The following NYAP2 variants were observed in gnomAD, a reference collection of about 807,000 sequenced individuals.
The protein encoded by NYAP2 is neuronal tyrosine-phosphorylated phosphoinositide-3-kinase adaptor 2, also known as neuronal tyrosine-phosphorylated phosphoinositide-3-kinase adapter 2.
A neutral mutation model predicts 50.4 loss-of-function variants in NYAP2; 23 were observed. The ratio of observed to expected loss-of-function variants is 0.46; its 90% confidence interval spans 0.33 to 0.65. The LOEUF is 0.65. Ranked by LOEUF, NYAP2 falls within the 30% of genes least tolerant of loss-of-function variation. The probability of loss-of-function intolerance (pLI) is 0.02; values close to 1 mark genes in which losing one functional copy is unlikely to be tolerated. For missense variants in NYAP2, 885 were observed against 861.0 expected (o/e 1.03, Z -0.35); for synonymous variants, 394 against 365.2 (o/e 1.08, Z -0.90).
At chr2:225,693,580 A>G in the NYAP2 span, among the ~76,000 whole-genome samples, 2 of 152,032 alleles carry the variant, frequency 1.3e-5, no homozygotes, top group African/African-American at 4.8e-5. Context: ...GAAGTCCAAG[A>G]CCAGGGTGAC....
intron 5 of NYAP2, among the ~76,000 whole-genome samples, chr2:225,606,399 G>T (rs1300015227): frequency 4.6e-5 from 7 of 152,056 alleles, no homozygotes; most frequent in Non-Finnish European, 8.8e-5. Flanking sequence ...ATAAAATGTG[G>T]TAATAGCCCA....
chr2:225,482,637 A>G (rs1690225672), intron 3 of NYAP2, among the ~76,000 whole-genome samples: 1 of 152,060 alleles, frequency 6.6e-6, no homozygotes, highest in African/African-American at 2.4e-5. Flanking sequence ...GAAAAATCAA[A>G]CCTTCCAAAA....
intron 3 of NYAP2, among the ~76,000 whole-genome samples, chr2:225,506,928 C>CA (rs1404639893): frequency 2.0e-5 from 3 of 151,718 alleles, no homozygotes; most frequent in South Asian, 4.2e-4. Flanking sequence ...AAATTTAACA[C>CA]AAAAAATCCC....
At chr2:225,497,983 T>TA (rs1172283297) in intron 3 of NYAP2, among the ~76,000 whole-genome samples, 1 of 152,174 alleles carries the variant, frequency 6.6e-6, no homozygotes, top group Non-Finnish European at 1.5e-5. Context: ...GTCTCTATTT[T>TA]AAAAAGATTT....
rs575486874 is a variant in NYAP2, at chr2:225,640,786, A to T, written c.1829-10646A>T. Among the ~76,000 whole-genome samples the T allele has an allele frequency of 2.0e-5, 3 of 152,316 alleles. No individual in the cohort carries two copies. In the East Asian group the frequency reaches 5.8e-4, roughly 29 times the overall value. On this transcript the variant is annotated intron_variant, in intron 6 of 6. Transcript: ENST00000636099. ...ACCTGTTACCATATTTTATATATGC[A>T]TTATATTCATACACACACATATTTC...
At chr2:225,536,257 G>A (rs945140483) in intron 4 of NYAP2, among the ~76,000 whole-genome samples, 1 of 152,080 alleles carries the variant, frequency 6.6e-6, no homozygotes, top group Non-Finnish European at 1.5e-5. Flanking sequence ...TTCTCCCAAG[G>A]CGCTACCACA....
chr2:225,445,285 A>G (rs1689534946), intron 3 of NYAP2, among the ~76,000 whole-genome samples: 1 of 152,132 alleles, frequency 6.6e-6, no homozygotes, highest in African/African-American at 2.4e-5. Flanking sequence ...ACATAAAATT[A>G]TGTACTTTAT....
At chr2:225,570,111 C>A (rs1234936931) in intron 4 of NYAP2, among the ~76,000 whole-genome samples, 2 of 152,124 alleles carry the variant, frequency 1.3e-5, no homozygotes, top group Non-Finnish European at 2.9e-5. Context: ...CAAGCTACTG[C>A]CCTGGAATGC....
chr2:225,592,287 G>A (rs1485435979), intron 5 of NYAP2, among the ~76,000 whole-genome samples: 1 of 152,082 alleles, frequency 6.6e-6, no homozygotes, highest in Admixed American at 6.6e-5. Flanking sequence ...GCAGTAGTTT[G>A]GCCCATGGCT....
chr2:225,568,251 A>T (rs1012471165), intron 4 of NYAP2, among the ~76,000 whole-genome samples: 2 of 152,178 alleles, frequency 1.3e-5, no homozygotes, highest in African/African-American at 4.8e-5. Flanking sequence ...AGTATAAGGG[A>T]ACTGAAAGAG....
chr2:225,470,101 AT>A (rs962263754), intron 3 of NYAP2, among the ~76,000 whole-genome samples: 37 of 152,378 alleles, frequency 2.4e-4, no homozygotes, highest in African/African-American at 8.7e-4. Context: ...TGTCTTATCT[AT>A]TAAGCAATAC....
chr2:225,691,282 C>T, the NYAP2 span, among the ~76,000 whole-genome samples: 16 of 152,210 alleles, frequency 1.1e-4, no homozygotes, highest in South Asian at 2.1e-4. Flanking sequence ...CTCGATTCTA[C>T]CTTGTAGACA....
Position 225,488,678 on chromosome 2 carries a change from C to T in NYAP2, c.222-24693C>T, listed in dbSNP as rs192232221. On this transcript the variant is annotated intron_variant, in intron 3 of 6. Transcript: ENST00000636099. ...ATAAGCCACCATACCCAGCCTTTGA[C>T]AGGATTTTAGGCATGAGCCACCACA... Among the ~76,000 whole-genome samples the T allele has an allele frequency of 1.3e-3, 200 of 152,216 alleles. 1 individual carries two copies. Among genetic ancestry groups the T allele is most frequent in the African/African-American group, 4.5e-3 (189 of 41,546 alleles).
At chr2:225,646,163 C>T (rs77412385) in intron 6 of NYAP2, among the ~76,000 whole-genome samples, 5,460 of 152,198 alleles carry the variant, frequency 0.036, 156 homozygotes, top group South Asian at 0.092. Flanking sequence ...TCAGAAACAC[C>T]ATAGGAAATT....
chr2:225,610,033 T>C (rs1216324067), intron 5 of NYAP2, among the ~76,000 whole-genome samples: 5 of 152,176 alleles, frequency 3.3e-5, no homozygotes, highest in African/African-American at 1.2e-4. Flanking sequence ...GATTATGTAG[T>C]TGCCTCATAG....
intron 3 of NYAP2, among the ~76,000 whole-genome samples, chr2:225,467,197 C>A (rs1245895881): frequency 6.6e-6 from 1 of 152,120 alleles, no homozygotes; most frequent in Non-Finnish European, 1.5e-5. Context: ...CCTTACCAGC[C>A]GAATGTCCTT....
the NYAP2 span, among the ~76,000 whole-genome samples, chr2:225,671,890 A>G: frequency 6.6e-6 from 1 of 152,120 alleles, no homozygotes; most frequent in South Asian, 2.1e-4. Context: ...GAACAGTAAT[A>G]TTTTGAAAGG....
intron 3 of NYAP2, among the ~76,000 whole-genome samples, chr2:225,482,066 A>G (rs933661381): frequency 6.6e-6 from 1 of 152,208 alleles, no homozygotes; most frequent in Non-Finnish European, 1.5e-5. Context: ...GCCACAGTAT[A>G]CAAAAATATC....
chr2:225,513,304 A>C, intron 3 of NYAP2, 67 bp from the exon 4 acceptor site: 1 of 1,428,022 alleles, frequency 7.0e-7, no homozygotes, highest in Non-Finnish European at 9.7e-7. Flanking sequence ...TAATATTCTC[A>C]CATGTATGAT....
Sources: gnomAD v4.1 joint callset for allele counts (sites outside exome capture counted in the v4.1 genomes callset) on GRCh38, gnomAD v4.1.1 for gene constraint, MANE v1.5 for transcripts, NCBI Gene and HGNC (gene_info 2026-07-23, HGNC 2026-07-21) for gene names.